The following OR1B1 variants were observed in gnomAD, a reference collection of about 807,000 sequenced individuals.
OR1B1 encodes the protein olfactory receptor family 1 subfamily B member 1.
For synonymous variants in OR1B1, 168 were observed against 156.2 expected (o/e 1.08, Z -0.57); for missense variants, 414 against 402.1 (o/e 1.03, Z -0.25).
chr9:122,629,293 G>T (rs1412574862), exon 1 of OR1B1: 16 of 1,613,980 alleles, frequency 9.9e-6, no homozygotes, highest in Non-Finnish European at 1.4e-5. Context: ...CCAGCAACTG[G>T]GGCAGTGTAA....
At chr9:122,628,332 C>T (rs910977248), downstream of OR1B1, among the ~76,000 whole-genome samples, 1 of 152,168 alleles carries the variant, frequency 6.6e-6, no homozygotes, top group Non-Finnish European at 1.5e-5. Context: ...CTTTTTCATC[C>T]ACTTTGATAA....
chr9:122,630,925 C>T (rs1367914272), upstream of OR1B1, among the ~76,000 whole-genome samples: 1 of 152,122 alleles, frequency 6.6e-6, no homozygotes, highest in Non-Finnish European at 1.5e-5. Flanking sequence ...CCAGGCTAGT[C>T]TCGAACTCCT....
chr9:122,636,311 C>A, the OR1B1 span, among the ~76,000 whole-genome samples: 3 of 152,202 alleles, frequency 2.0e-5, no homozygotes, highest in African/African-American at 7.2e-5. Context: ...CATGCATGCA[C>A]GCATACATAC....
exon 1 of OR1B1, chr9:122,629,301 T>C: frequency 6.2e-7 from 1 of 1,614,092 alleles, no homozygotes; most frequent in Non-Finnish European, 8.5e-7. Context: ...TGGGGCAGTG[T>C]AACTGTGGAT....
chr9:122,650,337 G>A, the OR1B1 span, among the ~76,000 whole-genome samples: 1 of 151,806 alleles, frequency 6.6e-6, no homozygotes, highest in East Asian at 1.9e-4. Context: ...ACCACAGCAC[G>A]TGTATACCTA....
At chr9:122,631,015 T>C (rs1830198488), upstream of OR1B1, among the ~76,000 whole-genome samples, 1 of 151,218 alleles carries the variant, frequency 6.6e-6, no homozygotes, top group African/African-American at 2.4e-5. Flanking sequence ...CCCAGTGTTT[T>C]AAACTAGACA....
the OR1B1 span, among the ~76,000 whole-genome samples, chr9:122,638,259 C>T: frequency 6.6e-6 from 1 of 152,046 alleles, no homozygotes; most frequent in Non-Finnish European, 1.5e-5. Flanking sequence ...GTATCTATAG[C>T]AGTCAATTTT....
chr9:122,642,617 C>G, the OR1B1 span, among the ~76,000 whole-genome samples: 1 of 152,138 alleles, frequency 6.6e-6, no homozygotes, highest in Non-Finnish European at 1.5e-5. Flanking sequence ...TACCACGAGT[C>G]TCTGCCAATG....
the OR1B1 span, among the ~76,000 whole-genome samples, chr9:122,640,029 G>T: frequency 6.6e-6 from 1 of 152,094 alleles, no homozygotes; most frequent in Admixed American, 6.6e-5. Flanking sequence ...TTACAAATGG[G>T]GAAACTGAAG....
the OR1B1 span, among the ~76,000 whole-genome samples, chr9:122,639,131 C>T: frequency 6.6e-6 from 1 of 152,126 alleles, no homozygotes; most frequent in Non-Finnish European, 1.5e-5. Flanking sequence ...CGTTTTTCAT[C>T]ACCTCCCCGT....
At chr9:122,648,511 C>A in the OR1B1 span, among the ~76,000 whole-genome samples, 3 of 152,260 alleles carry the variant, frequency 2.0e-5, no homozygotes, top group Admixed American at 6.5e-5. Flanking sequence ...GACAAGGATG[C>A]CCTTTCTCAC....
chr9:122,637,504 C>G, the OR1B1 span, among the ~76,000 whole-genome samples: 1 of 152,270 alleles, frequency 6.6e-6, no homozygotes, highest in East Asian at 1.9e-4. Flanking sequence ...GATGACACAG[C>G]TCATGTACCA....
the OR1B1 span, among the ~76,000 whole-genome samples, chr9:122,635,309 C>T: frequency 1.6e-4 from 24 of 152,120 alleles, no homozygotes; most frequent in Admixed American, 9.2e-4. Context: ...TAGAACCTTA[C>T]GTTTTAAAAA....
At chr9:122,634,360 A>G (rs1323149978), upstream of OR1B1, among the ~76,000 whole-genome samples, 1 of 151,686 alleles carries the variant, frequency 6.6e-6, no homozygotes. Flanking sequence ...GAAAAGAAAA[A>G]ACAGAAGAAA....
chr9:122,644,521 G>T, the OR1B1 span, among the ~76,000 whole-genome samples: 1 of 152,172 alleles, frequency 6.6e-6, no homozygotes, highest in Non-Finnish European at 1.5e-5. Context: ...ACATGCATGG[G>T]CCTGGGTAAA....
exon 1 of OR1B1, chr9:122,629,462 G>A (rs757251330): frequency 6.2e-7 from 1 of 1,612,202 alleles, no homozygotes; most frequent in Admixed American, 1.7e-5. Flanking sequence ...GAGAGTGTAG[G>A]AGATGTTAGC....
At chr9:122,629,819 T>A (rs1211617500), upstream of OR1B1, among the ~76,000 whole-genome samples, 1 of 152,206 alleles carries the variant, frequency 6.6e-6, no homozygotes, top group Non-Finnish European at 1.5e-5. Flanking sequence ...GAAAAACTCT[T>A]CATTCATTCT....
At chr9:122,653,293 A>G in the OR1B1 span, among the ~76,000 whole-genome samples, 1 of 152,208 alleles carries the variant, frequency 6.6e-6, no homozygotes, top group Non-Finnish European at 1.5e-5. Context: ...TAGTACTATG[A>G]AAGGAAGTAT....
upstream of OR1B1, among the ~76,000 whole-genome samples, chr9:122,631,002 GGTCCCAGT>G (rs1830198409): frequency 6.7e-6 from 1 of 149,410 alleles, no homozygotes; most frequent in Non-Finnish European, 1.5e-5. Flanking sequence ...CACCGTGCCT[GGTCCCAGT>G]GTTTTAAACT....
Sources: gnomAD v4.1 joint callset for allele counts (sites outside exome capture counted in the v4.1 genomes callset) on GRCh38, gnomAD v4.1.1 for gene constraint, MANE v1.5 for transcripts, NCBI Gene and HGNC (gene_info 2026-07-23, HGNC 2026-07-21) for gene names.